Variants in CCDC146 observed in about 807,000 individuals in gnomAD.
CCDC146 encodes the protein coiled-coil domain containing 146, also known as coiled-coil domain-containing protein 146.
CCDC146 carries 92 observed loss-of-function variants against 119.3 expected under a neutral mutation model. That is an observed-to-expected ratio of 0.77 (90% CI 0.65 to 0.92). The LOEUF is 0.92. Ranked by LOEUF, CCDC146 falls within the 40% of genes least tolerant of loss-of-function variation. The probability of loss-of-function intolerance (pLI) is 0.00; values close to 1 mark genes in which losing one functional copy is unlikely to be tolerated. For synonymous variants in CCDC146, 372 were observed against 371.8 expected (o/e 1.00, Z -0.01); for missense variants, 1,000 against 1,103.0 (o/e 0.91, Z 1.32).
chr7:77,131,585 G>A (rs1790786334), intron 1 of CCDC146, among the ~76,000 whole-genome samples: 1 of 152,110 alleles, frequency 6.6e-6, no homozygotes, highest in Admixed American at 6.5e-5. Context: ...AGGCATGGTG[G>A]TGGGTGCCTG....
At chr7:77,163,045 G>T (rs991260764) in intron 1 of CCDC146, among the ~76,000 whole-genome samples, 3 of 152,318 alleles carry the variant, frequency 2.0e-5, no homozygotes, top group African/African-American at 7.2e-5. Flanking sequence ...TACAGATTCA[G>T]CATGGTACTT....
intron 1 of CCDC146, among the ~76,000 whole-genome samples, chr7:77,125,055 G>A (rs973379959): frequency 4.0e-5 from 6 of 151,872 alleles, no homozygotes; most frequent in Admixed American, 6.6e-5. Flanking sequence ...TTAGCTTGGC[G>A]TAGTGATGGA....
At chr7:77,248,210 A>G (rs769812683) in intron 4 of CCDC146, among the ~76,000 whole-genome samples, 14 of 152,220 alleles carry the variant, frequency 9.2e-5, no homozygotes, top group Non-Finnish European at 1.9e-4. Flanking sequence ...CATAAGTGGG[A>G]GCTAAGTAAT....
In CCDC146 at chr7:77,286,865, G is replaced by A; in HGVS notation, c.2216G>A (p.Arg739Lys). ...KQFVKPDGEN[R>K]ARFLPGKDLT... ...TTCGTAAAGCCTGATGGTGAGAATA[G>A]AGCTCGCTTCCTTCCAGGGAAAGAT... The change falls in exon 16 of 19, where the codon AGA (arginine) becomes AAA (lysine). Residue 739 changes from arginine (R) to lysine (K), a missense_variant. By Grantham distance (26) the Arg-to-Lys change is conservative. Coordinates refer to ENST00000285871, the MANE Select transcript of CCDC146 (RefSeq NM_020879.3). 1 of 1,614,066 alleles carries A rather than the reference G, an allele frequency of 6.2e-7. No homozygotes were observed. The highest frequency in any genetic ancestry group is 8.5e-7 in the Non-Finnish European group (1 of 1,179,920).
chr7:77,262,937 C>T (rs1793329139), intron 9 of CCDC146, among the ~76,000 whole-genome samples: 1 of 152,196 alleles, frequency 6.6e-6, no homozygotes, highest in Admixed American at 6.5e-5. Context: ...ACTGAAAGGG[C>T]AGAGGATCCT....
chr7:77,210,690 G>T (rs1208114385), intron 2 of CCDC146, among the ~76,000 whole-genome samples: 1 of 152,186 alleles, frequency 6.6e-6, no homozygotes, highest in Non-Finnish European at 1.5e-5. Flanking sequence ...CTGAGACTGG[G>T]TAATTTATAA....
intron 2 of CCDC146, among the ~76,000 whole-genome samples, chr7:77,192,370 C>A (rs1342351066): frequency 6.6e-6 from 1 of 152,144 alleles, no homozygotes; most frequent in Non-Finnish European, 1.5e-5. Flanking sequence ...ATACAGCTTG[C>A]AAATAGTGGA....
At chr7:77,191,089 TAAC>T (rs904728980) in intron 2 of CCDC146, among the ~76,000 whole-genome samples, 9 of 152,146 alleles carry the variant, frequency 5.9e-5, no homozygotes, top group Non-Finnish European at 1.2e-4. Context: ...AGTCCTCACT[TAAC>T]ATCATGGATA....
chr7:77,262,024 G>A (rs978600014), intron 8 of CCDC146, 97 bp from the exon 9 acceptor site: 11 of 980,560 alleles, frequency 1.1e-5, no homozygotes, highest in Non-Finnish European at 1.6e-5. Flanking sequence ...AAGAGATTGG[G>A]AGCCAATATT....
At chr7:77,237,085 T>TCTCATCACCAGTAA in intron 3 of CCDC146, 56 bp downstream of exon 3, 1 of 1,365,988 alleles carries the variant, frequency 7.3e-7, no homozygotes, top group Non-Finnish European at 1.0e-6. Context: ...TTCTTACTGG[T>TCTCATCACCAGTAA]GATGAGACCT....
intron 2 of CCDC146, among the ~76,000 whole-genome samples, chr7:77,223,116 C>T (rs1471175292): frequency 1.3e-5 from 2 of 152,138 alleles, no homozygotes; most frequent in Non-Finnish European, 2.9e-5. Context: ...CTCTCGGGCT[C>T]ACAGCCACTC....
intron 2 of CCDC146, among the ~76,000 whole-genome samples, chr7:77,183,897 C>G (rs770796954): frequency 1.6e-4 from 24 of 152,226 alleles, no homozygotes; most frequent in Non-Finnish European, 2.6e-4. Flanking sequence ...GCAAATATAC[C>G]TAGTAATTAG....
At chr7:77,274,892 C>T (rs912305990) in intron 11 of CCDC146, among the ~76,000 whole-genome samples, 4 of 151,638 alleles carry the variant, frequency 2.6e-5, no homozygotes, top group African/African-American at 7.3e-5. Flanking sequence ...GTGAGGGGAG[C>T]GGGGAGGGAT....
At chr7:77,133,953 G>A (rs193173445) in intron 1 of CCDC146, among the ~76,000 whole-genome samples, 10 of 152,184 alleles carry the variant, frequency 6.6e-5, no homozygotes, top group Non-Finnish European at 1.2e-4. Flanking sequence ...ATTATAAGGT[G>A]AAGCAGTACA....
intron 1 of CCDC146, among the ~76,000 whole-genome samples, chr7:77,151,631 A>T (rs1448600967): frequency 4.7e-5 from 7 of 148,004 alleles, no homozygotes; most frequent in South Asian, 2.1e-4. Flanking sequence ...GATTTAAATT[A>T]AAAAAAAACT....
At chr7:77,252,481 G>A (rs1793094400) in intron 4 of CCDC146, among the ~76,000 whole-genome samples, 1 of 152,176 alleles carries the variant, frequency 6.6e-6, no homozygotes, top group East Asian at 1.9e-4. Flanking sequence ...AAAATTAAGT[G>A]AATTGAAATG....
chr7:77,154,180 A>G (rs957649474), intron 1 of CCDC146, among the ~76,000 whole-genome samples: 4 of 152,044 alleles, frequency 2.6e-5, no homozygotes, highest in African/African-American at 9.7e-5. Flanking sequence ...GTGCTGTACG[A>G]GATAATTTTT....
At chr7:77,254,435 A>G in intron 4 of CCDC146, 71 bp from the exon 5 acceptor site, 2 of 843,480 alleles carry the variant, frequency 2.4e-6, no homozygotes, top group Non-Finnish European at 3.8e-6. Context: ...GGATGAGAAG[A>G]TAGAAAGTTG....
At chr7:77,170,715 C>G (rs1791408266) in intron 2 of CCDC146, among the ~76,000 whole-genome samples, 1 of 152,110 alleles carries the variant, frequency 6.6e-6, no homozygotes, top group African/African-American at 2.4e-5. Flanking sequence ...GACAAATCAA[C>G]AAGCAAAAAA....
Sources: allele counts gnomAD v4.1 joint callset (sites outside exome capture counted in the v4.1 genomes callset), GRCh38; gene constraint gnomAD v4.1.1; transcripts MANE v1.5; gene names NCBI Gene and HGNC (gene_info 2026-07-23, HGNC 2026-07-21).